Variants in TAFA1 observed in about 807,000 individuals in gnomAD.
The protein encoded by TAFA1 is TAFA chemokine like family member 1.
A neutral mutation model predicts 18.5 loss-of-function variants in TAFA1; 4 were observed. The ratio of observed to expected loss-of-function variants is 0.22; its 90% CI spans 0.11 to 0.49. The LOEUF (loss-of-function observed/expected upper bound fraction) is 0.49, where lower values mean the gene tolerates loss of function less well. Among genes scored for constraint, TAFA1 ranks in the 20% least tolerant of loss-of-function variants. The probability of loss-of-function intolerance (pLI) is 0.98; values close to 1 mark genes in which losing one functional copy is unlikely to be tolerated. For synonymous variants in TAFA1, 56 were observed against 55.2 expected (o/e 1.01, Z -0.06); for missense variants, 147 against 169.0 (o/e 0.87, Z 0.72).
chr3:68,410,551 A>T (rs2070695192), intron 2 of TAFA1, among the ~76,000 whole-genome samples: 1 of 151,984 alleles, frequency 6.6e-6, no homozygotes, highest in Non-Finnish European at 1.5e-5. Flanking sequence ...CAGAAACAAT[A>T]ATCTGGAAAA....
chr3:68,052,047 C>T (rs746715048), intron 2 of TAFA1, among the ~76,000 whole-genome samples: 1 of 152,018 alleles, frequency 6.6e-6, no homozygotes, highest in Non-Finnish European at 1.5e-5. Flanking sequence ...GTGTCTCTGT[C>T]AATGAAAAGT....
At chr3:67,999,258 TTCTC>T (rs1326269658), upstream of TAFA1, among the ~76,000 whole-genome samples, 2 of 107,326 alleles carry the variant, frequency 1.9e-5, no homozygotes, top group African/African-American at 3.7e-5. Context: ...CTCTCTCTCA[TTCTC>T]TCTATCCCCC....
rs146190281 is a variant in TAFA1 at position 68,337,688 on chromosome 3, A to C, written c.119-79592A>C. Among the ~76,000 whole-genome samples the C allele has an allele frequency of 6.4e-3, 976 of 152,008 alleles. 10 individuals are homozygous for C. Among genetic ancestry groups the C allele is most frequent in the African/African-American group, 0.023 (939 of 41,426 alleles). ...GTGTATATTTATGGTAAGAACACTT[A>C]CTAGAAGATCTACCCTCTTAAATGT... is the stretch of plus-strand genomic sequence containing the variant. On this transcript the variant is annotated intron_variant, in intron 2 of 4. Coordinates refer to ENST00000478136, the MANE Select transcript of TAFA1 (RefSeq NM_213609.4).
chr3:68,292,145 T>G (rs1421784184), intron 2 of TAFA1, among the ~76,000 whole-genome samples: 1 of 152,166 alleles, frequency 6.6e-6, no homozygotes, highest in Non-Finnish European at 1.5e-5. Flanking sequence ...TGTTATCTAC[T>G]CTATACAGTT....
At chr3:68,027,514 G>C (rs181525050) in intron 2 of TAFA1, among the ~76,000 whole-genome samples, 1 of 152,160 alleles carries the variant, frequency 6.6e-6, no homozygotes, top group South Asian at 2.1e-4. Context: ...GTGGAACCCC[G>C]ATATTTATTT....
chr3:68,246,668 A>T (rs1373377350), intron 2 of TAFA1: 1 of 149,954 alleles, frequency 6.7e-6, no homozygotes, highest in Non-Finnish European at 1.5e-5. Flanking sequence ...TTGTTAATAC[A>T]TAATGAGACG....
At chr3:68,212,842 G>GTGCTGCA (rs1322781279) in intron 2 of TAFA1, among the ~76,000 whole-genome samples, 1 of 151,854 alleles carries the variant, frequency 6.6e-6, no homozygotes, top group African/African-American at 2.4e-5. Flanking sequence ...TCTTTACTTG[G>GTGCTGCA]TGCTGCACTG....
intron 2 of TAFA1, among the ~76,000 whole-genome samples, chr3:68,086,881 G>C (rs2064976558): frequency 6.6e-6 from 1 of 152,126 alleles, no homozygotes; most frequent in Non-Finnish European, 1.5e-5. Flanking sequence ...CTTTCCCCTT[G>C]ATCAGGACCA....
chr3:68,082,122 C>T (rs190950535), intron 2 of TAFA1, among the ~76,000 whole-genome samples: 53 of 152,314 alleles, frequency 3.5e-4, no homozygotes, highest in Admixed American at 7.2e-4. Flanking sequence ...AAGGGAACTC[C>T]CTGACCCCTT....
intron 3 of TAFA1, among the ~76,000 whole-genome samples, chr3:68,467,440 C>T (rs539071125): frequency 4.5e-4 from 68 of 152,098 alleles, no homozygotes; most frequent in African/African-American, 1.4e-3. Context: ...ACAATGGTTA[C>T]GGGTAGATGA....
intron 2 of TAFA1, among the ~76,000 whole-genome samples, chr3:68,037,591 C>T (rs1705079185): frequency 6.6e-6 from 1 of 152,080 alleles, no homozygotes; most frequent in South Asian, 2.1e-4. Flanking sequence ...GGAAGAAATA[C>T]AGTTCAGTAA....
chr3:68,451,180 G>A (rs2071561375), intron 3 of TAFA1, among the ~76,000 whole-genome samples: 1 of 152,158 alleles, frequency 6.6e-6, no homozygotes, highest in African/African-American at 2.4e-5. Flanking sequence ...TCCAGATTTA[G>A]ATAAAAAATT....
chr3:68,070,481 C>T (rs112404821), intron 2 of TAFA1, among the ~76,000 whole-genome samples: 2,212 of 152,282 alleles, frequency 0.015, 23 homozygotes, highest in Middle Eastern at 0.031. Context: ...TGTGATGGGA[C>T]GGGCTGCCAT....
chr3:68,490,437 T>C (rs1163105761), intron 3 of TAFA1, among the ~76,000 whole-genome samples: 2 of 152,180 alleles, frequency 1.3e-5, no homozygotes, highest in Non-Finnish European at 2.9e-5. Context: ...AAGACTGTTA[T>C]AATCCTATAA....
At chr3:68,330,791 C>T (rs960675026) in intron 2 of TAFA1, among the ~76,000 whole-genome samples, 10 of 152,114 alleles carry the variant, frequency 6.6e-5, no homozygotes, top group African/African-American at 2.2e-4. Context: ...GAGATATTTA[C>T]CTGAAAGACT....
chr3:68,308,136 T>C (rs79867910), intron 2 of TAFA1, among the ~76,000 whole-genome samples: 18,656 of 152,098 alleles, frequency 0.12, 1,344 homozygotes, highest in East Asian at 0.31. Flanking sequence ...GCTAAAAACC[T>C]ATGATTTATA....
At chr3:68,360,227 G>T (rs1295970451) in intron 2 of TAFA1, among the ~76,000 whole-genome samples, 2 of 151,990 alleles carry the variant, frequency 1.3e-5, no homozygotes, top group African/African-American at 4.8e-5. Flanking sequence ...TGTGTGACGT[G>T]TAGAGAATAG....
chr3:68,294,863 A>G (rs1188117534), intron 2 of TAFA1, among the ~76,000 whole-genome samples: 1 of 152,166 alleles, frequency 6.6e-6, no homozygotes, highest in African/African-American at 2.4e-5. Context: ...GGCAACAGAG[A>G]GAGATCGTGT....
intron 2 of TAFA1, among the ~76,000 whole-genome samples, chr3:68,223,181 G>A (rs890504445): frequency 2.0e-5 from 3 of 152,048 alleles, no homozygotes; most frequent in Non-Finnish European, 4.4e-5. Context: ...TTCCTTGAGG[G>A]CCTATTAAAT....
Sources: gnomAD v4.1 joint callset for allele counts (sites outside exome capture counted in the v4.1 genomes callset) on GRCh38, gnomAD v4.1.1 for gene constraint, MANE v1.5 for transcripts, NCBI Gene and HGNC (gene_info 2026-07-23, HGNC 2026-07-21) for gene names.